Variants in RBFOX3 observed in about 807,000 individuals in gnomAD.
The protein encoded by RBFOX3 is RNA binding protein fox-1 homolog 3.
A neutral mutation model predicts 48.7 loss-of-function variants in RBFOX3; 17 were observed. That is an observed-to-expected ratio of 0.35 (90% CI 0.24 to 0.52). The LOEUF (loss-of-function observed/expected upper bound fraction) is 0.52. Ranked by LOEUF, RBFOX3 falls within the 20% of genes least tolerant of loss-of-function variation. RBFOX3 has a pLI of 0.94. For missense variants in RBFOX3, 382 were observed against 497.5 expected, an observed-to-expected ratio of 0.77 and a Z score of 2.21; for synonymous variants, 212 against 209.5, an observed-to-expected ratio of 1.01 and a Z score of -0.10.
At chr17:79,425,210 C>T (rs1356406922) in intron 2 of RBFOX3, among the ~76,000 whole-genome samples, 7 of 152,184 alleles carry the variant, frequency 4.6e-5, no homozygotes, top group Non-Finnish European at 8.8e-5. Flanking sequence ...ACCCTGCAAA[C>T]CCCCCTTCCT....
chr17:79,145,842 G>C (rs541682283), intron 4 of RBFOX3, among the ~76,000 whole-genome samples: 245 of 152,282 alleles, frequency 1.6e-3, no homozygotes, highest in Non-Finnish European at 2.8e-3. Flanking sequence ...TGGGGACAGG[G>C]TAGGTCAGCG....
intron 4 of RBFOX3, among the ~76,000 whole-genome samples, chr17:79,194,594 A>G (rs1027856227): frequency 6.8e-6 from 1 of 147,676 alleles, no homozygotes; most frequent in African/African-American, 2.5e-5. Flanking sequence ...TGGGTGACAA[A>G]GTGAGAGTCT....
intron 3 of RBFOX3, among the ~76,000 whole-genome samples, chr17:79,305,612 G>A (rs1330601102): frequency 6.6e-6 from 1 of 152,174 alleles, no homozygotes; most frequent in African/African-American, 2.4e-5. Context: ...GTCACGGTCA[G>A]ATCTTTCTGC....
At chr17:79,618,997 G>A in the RBFOX3 span, among the ~76,000 whole-genome samples, 3 of 152,214 alleles carry the variant, frequency 2.0e-5, no homozygotes, top group Non-Finnish European at 2.9e-5. Flanking sequence ...GGGCAAGAAA[G>A]ACACGTGCAT....
chr17:79,098,671 C>T (rs1599405409), intron 9 of RBFOX3: 1 of 152,306 alleles, frequency 6.6e-6, no homozygotes. Flanking sequence ...GCGGGGGACA[C>T]CAGCTGCCTT....
chr17:79,620,046 C>A, the RBFOX3 span, among the ~76,000 whole-genome samples: 3 of 151,090 alleles, frequency 2.0e-5, no homozygotes, highest in South Asian at 4.2e-4. Context: ...TATGCACACA[C>A]GCACATGCAC....
At chr17:79,627,461 G>C in the RBFOX3 span, among the ~76,000 whole-genome samples, 1 of 152,344 alleles carries the variant, frequency 6.6e-6, no homozygotes, top group African/African-American at 2.4e-5. Context: ...GATGGGACCA[G>C]GGCTCGGCTT....
At chr17:79,292,579 C>G (rs2144934575) in intron 3 of RBFOX3, among the ~76,000 whole-genome samples, 1 of 118,200 alleles carries the variant, frequency 8.5e-6, no homozygotes, top group East Asian at 2.7e-4. Context: ...CACACACACA[C>G]ACATGCACAC....
intron 2 of RBFOX3, among the ~76,000 whole-genome samples, chr17:79,462,393 T>C (rs1422051764): frequency 6.6e-6 from 1 of 152,206 alleles, no homozygotes; most frequent in African/African-American, 2.4e-5. Context: ...AGAAAAGTCA[T>C]GGAGCATTAC....
In RBFOX3 at chr17:79,364,930, C is replaced by T. The variant is rs563240495; in HGVS notation, c.-174-57106G>A. ...TGCCCAGGGAGTGGCTGGGCAGGAG[C>T]CACCCAGCTGCAGTGCTTGGGCAGC... On this transcript the variant is annotated intron_variant, in intron 2 of 14. Transcript: ENST00000693108. The surrounding 1 kb of genome is among the most constrained non-coding windows in gnomAD (Gnocchi z 5.1). Among the ~76,000 whole-genome samples the T allele has an allele frequency of 3.3e-5, 5 of 152,214 alleles. No homozygotes were observed. The highest frequency in any genetic ancestry group is 6.5e-5 in the Admixed American group (1 of 15,300).
intron 1 of RBFOX3, among the ~76,000 whole-genome samples, chr17:79,572,818 A>G (rs1417002500): frequency 6.6e-6 from 1 of 152,196 alleles, no homozygotes; most frequent in Non-Finnish European, 1.5e-5. Context: ...GCCACGCTGC[A>G]GGGACGCAGA....
chr17:79,498,518 C>T (rs954130138), intron 1 of RBFOX3, among the ~76,000 whole-genome samples: 27 of 151,498 alleles, frequency 1.8e-4, no homozygotes, highest in East Asian at 1.2e-3. Flanking sequence ...CTCATCCATC[C>T]ACTCACTCAC....
chr17:79,369,979 C>T (rs1472834860), intron 2 of RBFOX3, among the ~76,000 whole-genome samples: 2 of 152,218 alleles, frequency 1.3e-5, no homozygotes, highest in Non-Finnish European at 2.9e-5. Context: ...CTAAGCCCCA[C>T]CAGACGCCCT....
At chr17:79,134,398 G>T (rs967662761) in intron 4 of RBFOX3, among the ~76,000 whole-genome samples, 3 of 152,208 alleles carry the variant, frequency 2.0e-5, no homozygotes, top group Admixed American at 6.5e-5. Context: ...GGTGGTCCGG[G>T]CAGTGGCTCT....
intron 2 of RBFOX3, among the ~76,000 whole-genome samples, chr17:79,378,717 C>T (rs759384070): frequency 2.6e-5 from 4 of 152,216 alleles, no homozygotes; most frequent in African/African-American, 9.7e-5. Context: ...CATGTTAATG[C>T]AGCTACTTCA....
In RBFOX3 at chr17:79,150,371, C is replaced by T. The variant is rs147250114; in HGVS notation, c.-33-34623G>A. Reference sequence around the variant, plus strand: ...GACACGCAGACAGTAGAGGCCTGGCCGTTCTCTGGGCTCTGCAGGCGGCCA... The same window carrying T: ...GACACGCAGACAGTAGAGGCCTGGCTGTTCTCTGGGCTCTGCAGGCGGCCA... On this transcript the variant is annotated intron_variant, in intron 4 of 14. Transcript: ENST00000693108. 2.6e-3 allele frequency among the ~76,000 whole-genome samples: 393 copies of T among 152,154 alleles called. 3 individuals carry two copies. Among genetic ancestry groups the T allele is most frequent in the African/African-American group, 8.9e-3 (371 of 41,506 alleles).
At position 79,195,013 on chromosome 17, in the gene RBFOX3, G is replaced by A. The variant is rs547748332; in HGVS notation, c.-34+40753C>T. On this transcript the variant is annotated intron_variant, in intron 4 of 14. Coordinates refer to ENST00000693108, the MANE Select transcript of RBFOX3 (RefSeq NM_001350451.2). The surrounding 1 kb of genome is among the most constrained non-coding windows in gnomAD (Gnocchi z 5.3). ...ATTGGGCAGCTCTGGTCTAGAACAT[G>A]GGCAGATGTCTTTCCGCTCAGCCCC... Among the ~76,000 whole-genome samples, 1 of 152,218 alleles carries A rather than the reference G, an allele frequency of 6.6e-6. No homozygotes were observed. Among genetic ancestry groups the A allele is most frequent in the South Asian group, 2.1e-4 (1 of 4,812 alleles).
intron 2 of RBFOX3, among the ~76,000 whole-genome samples, chr17:79,394,553 G>A (rs1014888160): frequency 6.6e-6 from 1 of 152,304 alleles, no homozygotes; most frequent in Non-Finnish European, 1.5e-5. Context: ...CAGGACAGGA[G>A]GCTGACAGTC....
chr17:79,563,225 AAAAAAAAAC>A (rs1315304685), intron 1 of RBFOX3, among the ~76,000 whole-genome samples: 2 of 152,286 alleles, frequency 1.3e-5, no homozygotes, highest in South Asian at 2.1e-4. Flanking sequence ...GTCTTTGAAA[AAAAAAAAAC>A]AAAAAAACAA....
Sources: gnomAD v4.1 joint callset for allele counts (sites outside exome capture counted in the v4.1 genomes callset) on GRCh38, gnomAD v4.1.1 for gene constraint, Gnocchi (gnomAD v3.1) non-coding constraint, MANE v1.5 for transcripts, NCBI Gene and HGNC (gene_info 2026-07-23, HGNC 2026-07-21) for gene names.